NRG1: variants seen among roughly 807,000 people sequenced by gnomAD.
NRG1 encodes the protein pro-neuregulin-1, membrane-bound isoform.
NRG1 carries 18 observed loss-of-function variants against 63.8 expected under a neutral mutation model. That is an observed-to-expected ratio of 0.28 (90% CI 0.19 to 0.42). The LOEUF is 0.42. Ranked by LOEUF, NRG1 falls within the 10% of genes least tolerant of loss-of-function variation. NRG1 has a pLI of 1.00. For synonymous variants in NRG1, 302 were observed against 301.3 expected, an observed-to-expected ratio of 1.00 and a Z score of -0.02; for missense variants, 762 against 814.7, an observed-to-expected ratio of 0.94 and a Z score of 0.79.
At chr8:32,705,343 G>A (rs943374456) in intron 5 of NRG1, among the ~76,000 whole-genome samples, 7 of 152,054 alleles carry the variant, frequency 4.6e-5, no homozygotes, top group African/African-American at 1.7e-4. Context: ...ATGTTAGCCA[G>A]GATGGTCTTG....
chr8:32,344,173 A>G (rs1804429664), intron 1 of NRG1, among the ~76,000 whole-genome samples: 1 of 152,234 alleles, frequency 6.6e-6, no homozygotes, highest in Non-Finnish European at 1.5e-5. Context: ...GCTTATGCAG[A>G]TAGCATTACT....
intron 1 of NRG1, among the ~76,000 whole-genome samples, chr8:31,944,257 G>A (rs377562462): frequency 3.9e-4 from 60 of 152,256 alleles, no homozygotes; most frequent in African/African-American, 1.4e-3. Flanking sequence ...TTTGTAAAAT[G>A]GAAACTACAG....
intron 1 of NRG1, among the ~76,000 whole-genome samples, chr8:32,177,639 C>T (rs1042806198): frequency 9.9e-5 from 15 of 151,778 alleles, no homozygotes; most frequent in South Asian, 2.1e-4. Context: ...TGAGAACATG[C>T]GGTATTTAGT....
chr8:31,999,646 T>C (rs1407899256), intron 1 of NRG1, among the ~76,000 whole-genome samples: 1 of 152,044 alleles, frequency 6.6e-6, no homozygotes, highest in Admixed American at 6.6e-5. Context: ...TTTATTCAGA[T>C]GTTTTGTAGT....
intron 1 of NRG1, among the ~76,000 whole-genome samples, chr8:32,241,313 A>G (rs1044062787): frequency 5.3e-5 from 8 of 152,224 alleles, no homozygotes; most frequent in Non-Finnish European, 1.0e-4. Context: ...ATGCAATGCA[A>G]TAAATTACTT....
intron 6 of NRG1, among the ~76,000 whole-genome samples, chr8:32,730,033 A>G (rs1463385280): frequency 1.3e-5 from 2 of 152,240 alleles, no homozygotes; most frequent in South Asian, 2.1e-4. Context: ...TGAATAAAAG[A>G]CTTAGAGCCA....
At chr8:32,763,104 T>G in intron 11 of NRG1, 1 of 1,110,278 alleles carries the variant, frequency 9.0e-7, no homozygotes, top group South Asian at 1.5e-5. Flanking sequence ...GGATGGATAG[T>G]TCCAAATTGA....
chr8:32,081,129 G>A (rs545429866), intron 1 of NRG1, among the ~76,000 whole-genome samples: 2 of 152,128 alleles, frequency 1.3e-5, no homozygotes, highest in South Asian at 2.1e-4. Context: ...TCAGAATAAC[G>A]TTTGACAAAA....
chr8:32,609,745 A>G (rs1451969028), intron 3 of NRG1, among the ~76,000 whole-genome samples: 1 of 142,710 alleles, frequency 7.0e-6, no homozygotes, highest in African/African-American at 2.6e-5. Flanking sequence ...ACTGCACTGG[A>G]TTCAAGCAAT....
At chr8:32,736,870 A>G (rs1825198514) in intron 6 of NRG1, among the ~76,000 whole-genome samples, 1 of 152,230 alleles carries the variant, frequency 6.6e-6, no homozygotes, top group African/African-American at 2.4e-5. Context: ...GTGAATATCT[A>G]TAAAAACGTC....
At chr8:32,252,560 G>A (rs1352988972) in intron 1 of NRG1, among the ~76,000 whole-genome samples, 2 of 152,164 alleles carry the variant, frequency 1.3e-5, no homozygotes, top group Non-Finnish European at 2.9e-5. Flanking sequence ...CTATATATCT[G>A]TTTTGGTACC....
intron 1 of NRG1, among the ~76,000 whole-genome samples, chr8:32,090,598 G>A (rs1385009632): frequency 6.6e-6 from 1 of 152,196 alleles, no homozygotes; most frequent in East Asian, 1.9e-4. Flanking sequence ...TGAGATTACA[G>A]GCGTGAGCCA....
intron 1 of NRG1, among the ~76,000 whole-genome samples, chr8:31,846,588 G>T (rs185480091): frequency 2.0e-5 from 3 of 152,240 alleles, no homozygotes; most frequent in Non-Finnish European, 4.4e-5. Flanking sequence ...GACTGTAAGT[G>T]CTCACAGGAT....
chr8:31,887,955 A>T (rs185256262), intron 1 of NRG1, among the ~76,000 whole-genome samples: 3 of 151,674 alleles, frequency 2.0e-5, no homozygotes, highest in African/African-American at 7.2e-5. Context: ...ATGAAAACAT[A>T]TATATTACAT....
At chr8:31,852,273 G>T (rs958618840) in intron 1 of NRG1, among the ~76,000 whole-genome samples, 4 of 150,768 alleles carry the variant, frequency 2.7e-5, no homozygotes, top group South Asian at 2.1e-4. Flanking sequence ...AGCACCTGTT[G>T]TTTCCTGACT....
chr8:32,157,273 G>T (rs1370893701), intron 1 of NRG1, among the ~76,000 whole-genome samples: 1 of 148,204 alleles, frequency 6.7e-6, no homozygotes, highest in East Asian at 2.0e-4. Context: ...GCTGAGGCAT[G>T]AGAATCACTT....
chr8:32,009,709 C>T (rs1312231482), intron 1 of NRG1, among the ~76,000 whole-genome samples: 1 of 151,918 alleles, frequency 6.6e-6, no homozygotes, highest in African/African-American at 2.4e-5. Flanking sequence ...ACTCTTCAGA[C>T]TAGATCTTAG....
intron 1 of NRG1, among the ~76,000 whole-genome samples, chr8:32,131,639 A>C (rs945297611): frequency 1.3e-5 from 2 of 152,048 alleles, no homozygotes; most frequent in African/African-American, 4.8e-5. Context: ...ATCCCACAGA[A>C]AAGGGCATGA....
At chr8:32,387,965 T>C (rs1811227641) in intron 1 of NRG1, among the ~76,000 whole-genome samples, 1 of 152,126 alleles carries the variant, frequency 6.6e-6, no homozygotes, top group African/African-American at 2.4e-5. Context: ...CTCAAGCTTG[T>C]TACGATTCAG....
Sources: allele counts gnomAD v4.1 joint callset (sites outside exome capture counted in the v4.1 genomes callset), GRCh38; gene constraint gnomAD v4.1.1; transcripts MANE v1.5; gene names NCBI Gene and HGNC (gene_info 2026-07-23, HGNC 2026-07-21).